The following KCND2 variants were observed in gnomAD, a reference collection of about 807,000 sequenced individuals.
KCND2 encodes potassium voltage-gated channel subfamily D member 2.
A neutral mutation model predicts 54.4 loss-of-function variants in KCND2; 16 were observed. The ratio of observed to expected loss-of-function variants is 0.29; its 90% confidence interval spans 0.20 to 0.45. The LOEUF (loss-of-function observed/expected upper bound fraction) is 0.45. Among genes scored for constraint, KCND2 ranks in the 20% least tolerant of loss-of-function variants. KCND2 has a pLI of 1.00. For missense variants in KCND2, 486 were observed against 824.2 expected (o/e 0.59, Z 5.02); for synonymous variants, 317 against 310.7 (o/e 1.02, Z -0.21).
intron 1 of KCND2, among the ~76,000 whole-genome samples, chr7:120,533,198 C>T (rs1237005720): frequency 6.6e-6 from 1 of 152,088 alleles, no homozygotes. Context: ...TCTCAACTTT[C>T]CAATTATTTT....
chr7:120,583,628 G>A (rs1274553599), intron 1 of KCND2, among the ~76,000 whole-genome samples: 5 of 152,000 alleles, frequency 3.3e-5, no homozygotes, highest in African/African-American at 4.8e-5. Context: ...GCCTCTCTGT[G>A]TCTAAATGTT....
intron 1 of KCND2, among the ~76,000 whole-genome samples, chr7:120,645,480 G>A (rs974268542): frequency 1.3e-5 from 2 of 152,060 alleles, no homozygotes; most frequent in African/African-American, 4.8e-5. Flanking sequence ...CACATGACAT[G>A]TGCCATACTA....
chr7:120,294,226 A>C (rs73429976), intron 1 of KCND2, among the ~76,000 whole-genome samples: 3,248 of 152,078 alleles, frequency 0.021, 133 homozygotes, highest in African/African-American at 0.074. Context: ...CATTGAAATA[A>C]TACATGACTG....
chr7:120,707,716 G>A (rs1327991850), intron 1 of KCND2, among the ~76,000 whole-genome samples: 1 of 152,016 alleles, frequency 6.6e-6, no homozygotes, highest in Non-Finnish European at 1.5e-5. Context: ...CACTTAAGAT[G>A]CTGTTGAGGG....
At chr7:120,426,395 A>G (rs923031290) in intron 1 of KCND2, among the ~76,000 whole-genome samples, 1 of 152,082 alleles carries the variant, frequency 6.6e-6, no homozygotes, top group Non-Finnish European at 1.5e-5. Context: ...CTTTGAAAAG[A>G]TTACATTTTT....
At chr7:120,700,672 A>T (rs75905680) in intron 1 of KCND2, among the ~76,000 whole-genome samples, 3,093 of 152,322 alleles carry the variant, frequency 0.02, 36 homozygotes, top group African/African-American at 0.03. Context: ...GTCCTTCATG[A>T]AATAAACAAA....
chr7:120,342,484 CTG>C (rs956563088), intron 1 of KCND2, among the ~76,000 whole-genome samples: 2 of 152,124 alleles, frequency 1.3e-5, no homozygotes, highest in South Asian at 2.1e-4. Context: ...CATACACCAA[CTG>C]TGTGTTATTT....
chr7:120,531,781 T>C (rs1396526369), intron 1 of KCND2, among the ~76,000 whole-genome samples: 2 of 152,160 alleles, frequency 1.3e-5, no homozygotes, highest in African/African-American at 2.4e-5. Context: ...TATACTTGTC[T>C]TCTATGCCAC....
At chr7:120,560,867 G>C (rs2116409702) in intron 1 of KCND2, among the ~76,000 whole-genome samples, 1 of 152,250 alleles carries the variant, frequency 6.6e-6, no homozygotes, top group Admixed American at 6.5e-5. Flanking sequence ...TAATTTTAGA[G>C]AAGAAAATCG....
intron 1 of KCND2, among the ~76,000 whole-genome samples, chr7:120,732,550 A>T (rs544443199): frequency 6.6e-6 from 1 of 152,258 alleles, no homozygotes; most frequent in African/African-American, 2.4e-5. Flanking sequence ...TGTTATCCAG[A>T]CTCTAAATTT....
rs141809182 is a variant in KCND2 at position 120,410,954 on chromosome 7, C to T, written c.1115+135207C>T. ...CTTAATCCAGATTATCAATGATGGACATTCGGGTTGGTTCCAAGTTAGGAA... is the reference window on the plus strand; with the variant it reads ...CTTAATCCAGATTATCAATGATGGATATTCGGGTTGGTTCCAAGTTAGGAA... On this transcript the variant is annotated intron_variant, in intron 1 of 5. Coordinates refer to ENST00000331113, the MANE Select transcript of KCND2 (RefSeq NM_012281.3). 2.8e-3 allele frequency among the ~76,000 whole-genome samples: 418 copies of T among 151,942 alleles called. 2 individuals carry two copies. Among genetic ancestry groups the T allele is most frequent in the Non-Finnish European group, 5.2e-3 (354 of 67,894 alleles).
Position 120,618,484 on chromosome 7 carries a change from G to A in KCND2, c.1116-114419G>A, listed in dbSNP as rs140651181. Reference sequence around the variant, plus strand: ...TGAGTTACAACTGCACTAACTTTACGGTGCCTCTTTATAAATGTCTTACAT... The same window carrying A: ...TGAGTTACAACTGCACTAACTTTACAGTGCCTCTTTATAAATGTCTTACAT... On this transcript the variant is annotated intron_variant, in intron 1 of 5. Coordinates refer to ENST00000331113, the MANE Select transcript of KCND2 (RefSeq NM_012281.3). Among the ~76,000 whole-genome samples the A allele has an allele frequency of 2.8e-3, 432 of 152,000 alleles. 6 individuals are homozygous for A. Among genetic ancestry groups the A allele is most frequent in the Middle Eastern group, 6.8e-3 (2 of 294 alleles).
chr7:120,742,634 T>G (rs1792956939), intron 4 of KCND2, 32 bp downstream of exon 4: 16 of 1,504,818 alleles, frequency 1.1e-5, no homozygotes, highest in Non-Finnish European at 1.5e-5. Context: ...CTTCCCTTGC[T>G]CTCTGACAGT....
At chr7:120,593,577 C>T (rs1199522262) in intron 1 of KCND2, among the ~76,000 whole-genome samples, 1 of 152,002 alleles carries the variant, frequency 6.6e-6, no homozygotes, top group East Asian at 1.9e-4. Context: ...TTCATGCAAA[C>T]AATTTTGGCA....
chr7:120,581,628 T>C (rs1792516548), intron 1 of KCND2, among the ~76,000 whole-genome samples: 1 of 152,196 alleles, frequency 6.6e-6, no homozygotes, highest in African/African-American at 2.4e-5. Context: ...AAATGTAGTT[T>C]GTAGCTTTAG....
At chr7:120,699,998 G>A (rs897342206) in intron 1 of KCND2, among the ~76,000 whole-genome samples, 6 of 152,152 alleles carry the variant, frequency 3.9e-5, no homozygotes, top group African/African-American at 1.2e-4. Flanking sequence ...TAAGAATAGG[G>A]TGTGGCTGCT....
intron 1 of KCND2, among the ~76,000 whole-genome samples, chr7:120,485,232 A>G (rs144798944): frequency 1.4e-4 from 22 of 152,280 alleles, no homozygotes; most frequent in African/African-American, 5.3e-4. Context: ...TGTTACAATA[A>G]TGAGTGAGTT....
chr7:120,464,186 C>T (rs182067700), intron 1 of KCND2: 2 of 434,048 alleles, frequency 4.6e-6, no homozygotes, highest in African/African-American at 2.2e-5. Context: ...TGAGTCTGTT[C>T]GTGCAAGCTA....
chr7:120,673,148 A>G (rs775243247), intron 1 of KCND2, among the ~76,000 whole-genome samples: 3 of 152,088 alleles, frequency 2.0e-5, no homozygotes, highest in Non-Finnish European at 2.9e-5. Context: ...TGAAGAAACC[A>G]AACTTGCCAA....
Sources: gnomAD v4.1 joint callset for allele counts (sites outside exome capture counted in the v4.1 genomes callset) on GRCh38, gnomAD v4.1.1 for gene constraint, MANE v1.5 for transcripts, NCBI Gene and HGNC (gene_info 2026-07-23, HGNC 2026-07-21) for gene names.